IL1RAPL1: variants seen among roughly 807,000 people sequenced by gnomAD.
The protein encoded by IL1RAPL1 is interleukin 1 receptor accessory protein like 1, also known as interleukin-1 receptor accessory protein-like 1.
IL1RAPL1 carries 3 observed loss-of-function variants against 48.4 expected under a neutral mutation model. The observed-to-expected ratio is 0.06, with a 90% CI of 0.03 to 0.16. The LOEUF is 0.16. Ranked by LOEUF, IL1RAPL1 falls within the 10% of genes least tolerant of loss-of-function variation. The pLI is 1.00. For synonymous variants in IL1RAPL1, 185 were observed against 187.7 expected, an observed-to-expected ratio of 0.99 and a Z score of 0.12; for missense variants, 349 against 530.6, an observed-to-expected ratio of 0.66 and a Z score of 3.36.
At chrX:28,741,998 A>G (rs1935912824) in intron 1 of IL1RAPL1, among the ~76,000 whole-genome samples, 1 of 111,321 alleles carries the variant, frequency 9.0e-6, no homozygotes, top group South Asian at 3.8e-4. Flanking sequence ...GATCAATTTC[A>G]GACTGAAATT....
chrX:28,645,074 G>A (rs143370921), intron 1 of IL1RAPL1, among the ~76,000 whole-genome samples: 1,285 of 110,460 alleles, frequency 0.012, 14 homozygotes, highest in African/African-American at 0.04. Flanking sequence ...GGGGCCAGGC[G>A]CAGTGGCTCA....
At chrX:29,538,763 C>T (rs1300529723) in intron 5 of IL1RAPL1, among the ~76,000 whole-genome samples, 1 of 110,507 alleles carries the variant, frequency 9.0e-6, no homozygotes, top group Non-Finnish European at 1.9e-5. Context: ...TGTATGATCA[C>T]TGTCAAAAAT....
chrX:28,997,173 TCATCTCTAAAAAACATA>T (rs1925744227), intron 2 of IL1RAPL1, among the ~76,000 whole-genome samples: 1 of 111,280 alleles, frequency 9.0e-6, no homozygotes, highest in African/African-American at 3.3e-5. Context: ...CTGAGAACAT[TCATCTCTAAAAAACATA>T]CATGAAAAAA....
At chrX:29,006,645 A>ATGTGTGTG (rs1399219653) in intron 2 of IL1RAPL1, among the ~76,000 whole-genome samples, 41 of 80,060 alleles carry the variant, frequency 5.1e-4, no homozygotes, top group African/African-American at 1.8e-3. Flanking sequence ...GTGTTTATAT[A>ATGTGTGTG]TATGTGTGTG....
chrX:28,788,236 T>G (rs1215766916), intron 1 of IL1RAPL1, among the ~76,000 whole-genome samples: 1 of 111,702 alleles, frequency 9.0e-6, no homozygotes, highest in Non-Finnish European at 1.9e-5. Context: ...TATATGCATA[T>G]CAAAACACAC....
At chrX:29,316,110 T>G (rs771280147) in intron 3 of IL1RAPL1, among the ~76,000 whole-genome samples, 1 of 112,329 alleles carries the variant, frequency 8.9e-6, no homozygotes, top group Admixed American at 9.4e-5. Flanking sequence ...CCTCACTTTC[T>G]GAAACATTTT....
chrX:29,544,528 G>A (rs1602288815), intron 5 of IL1RAPL1, among the ~76,000 whole-genome samples: 5 of 112,090 alleles, frequency 4.5e-5, no homozygotes, highest in Admixed American at 3.8e-4. Flanking sequence ...AGCTTAGCCA[G>A]CTAAAAGCTA....
chrX:28,602,355 A>G (rs1934037507), intron 1 of IL1RAPL1, among the ~76,000 whole-genome samples: 1 of 112,173 alleles, frequency 8.9e-6, no homozygotes, highest in African/African-American at 3.2e-5. Context: ...TGATTGCATC[A>G]TGCTATTTGT....
At chrX:29,942,027 G>A (rs774131851) in intron 9 of IL1RAPL1, among the ~76,000 whole-genome samples, 1 of 112,071 alleles carries the variant, frequency 8.9e-6, no homozygotes, top group South Asian at 3.7e-4. Context: ...TTTTAGAATT[G>A]TATTCCAAAC....
chrX:29,408,783 G>A (rs1934106136), intron 5 of IL1RAPL1, among the ~76,000 whole-genome samples: 2 of 112,134 alleles, frequency 1.8e-5, no homozygotes, highest in South Asian at 7.3e-4. Flanking sequence ...GAAAGGTTAA[G>A]TGGCTTTATC....
In IL1RAPL1 at chrX:29,633,022, A is replaced by G. The variant is rs953528477; in HGVS notation, c.704-35408A>G. ...TAATTCATCCTTTTCTTTCCTAGGT[A>G]TATTTCCAACAGAAACATATACAAT... On this transcript the variant is annotated intron_variant, in intron 5 of 10. Coordinates refer to ENST00000378993, the MANE Select transcript of IL1RAPL1 (RefSeq NM_014271.4). 8.9e-5 allele frequency among the ~76,000 whole-genome samples: 10 copies of G among 111,876 alleles called. 1 individual carries two copies. The highest frequency in any genetic ancestry group is 1.7e-4 in the Non-Finnish European group (9 of 53,228).
chrX:29,845,513 GAA>G (rs1334982151), intron 6 of IL1RAPL1, among the ~76,000 whole-genome samples: 7 of 111,945 alleles, frequency 6.3e-5, no homozygotes, highest in Non-Finnish European at 1.3e-4. Context: ...TTAACTGCCA[GAA>G]GCAAATAATC....
In IL1RAPL1 at chrX:29,562,066, ATCTATCTATCTATCTAATCTATCTG is replaced by A. The variant is rs1569339213; in HGVS notation, c.704-106347_704-106323del. Among the ~76,000 whole-genome samples the A allele has an allele frequency of 2.0e-3, 204 of 101,856 alleles. 1 individual carries two copies. The highest frequency in any genetic ancestry group is 7.9e-3 in the African/African-American group (198 of 25,155). The allele number at this position is 101,856 out of a possible 115,157, so 88.4% of individuals were successfully genotyped here. On this transcript the variant is annotated intron_variant, in intron 5 of 10. Transcript: ENST00000378993. ...TATCTATCTATCTATCTATCTATCT[ATCTATCTATCTATCTAATCTATCTG>A]TCTATCTATCTATCTATCTATCTAA...
At chrX:28,676,936 A>G (rs896088179) in intron 1 of IL1RAPL1, among the ~76,000 whole-genome samples, 2 of 111,224 alleles carry the variant, frequency 1.8e-5, no homozygotes, top group East Asian at 5.6e-4. Flanking sequence ...CATCATTTTG[A>G]TGTGCAGAGG....
chrX:29,591,344 A>G (rs185263226), intron 5 of IL1RAPL1, among the ~76,000 whole-genome samples: 2 of 112,625 alleles, frequency 1.8e-5, no homozygotes, highest in Non-Finnish European at 3.8e-5. Flanking sequence ...TGTGGCAAAA[A>G]AGACTTCTGC....
At chrX:28,951,694 A>C (rs769202375) in intron 2 of IL1RAPL1, among the ~76,000 whole-genome samples, 4 of 111,299 alleles carry the variant, frequency 3.6e-5, no homozygotes, top group Non-Finnish European at 7.6e-5. Flanking sequence ...GCCCCAATTA[A>C]ATTCTCTTGC....
chrX:28,942,143 G>A (rs1924177914), intron 2 of IL1RAPL1: 1 of 109,836 alleles, frequency 9.1e-6, no homozygotes, highest in African/African-American at 3.3e-5. Context: ...TTGCCATCGG[G>A]AAGTACTGGA....
intron 2 of IL1RAPL1, among the ~76,000 whole-genome samples, chrX:29,022,445 G>A (rs1330391341): frequency 9.0e-6 from 1 of 111,564 alleles, no homozygotes; most frequent in Non-Finnish European, 1.9e-5. Context: ...GTCATAATGT[G>A]TACCATAAAA....
intron 2 of IL1RAPL1, among the ~76,000 whole-genome samples, chrX:29,204,338 C>T (rs1038042614): frequency 8.0e-5 from 9 of 112,118 alleles, no homozygotes; most frequent in Non-Finnish European, 1.5e-4. Context: ...TTCCCACCAA[C>T]AGTGTACAAG....
Sources: gnomAD v4.1 joint callset for allele counts (sites outside exome capture counted in the v4.1 genomes callset) on GRCh38, gnomAD v4.1.1 for gene constraint, MANE v1.5 for transcripts, NCBI Gene and HGNC (gene_info 2026-07-23, HGNC 2026-07-21) for gene names.